Variants in SND1 observed in about 807,000 individuals in gnomAD.
The protein encoded by SND1 is staphylococcal nuclease and tudor domain containing 1.
A neutral mutation model predicts 121.7 loss-of-function variants in SND1; 38 were observed. That is an observed-to-expected ratio of 0.31 (90% CI 0.24 to 0.41). SND1 has a LOEUF of 0.41. SND1 is among the 10% of genes least tolerant of loss of function. The probability of loss-of-function intolerance (pLI) is 1.00; values close to 1 mark genes in which losing one functional copy is unlikely to be tolerated. For synonymous variants in SND1, 401 were observed against 447.4 expected, an observed-to-expected ratio of 0.90 and a Z score of 1.31; for missense variants, 868 against 1,184.6, an observed-to-expected ratio of 0.73 and a Z score of 3.92.
intron 9 of SND1, among the ~76,000 whole-genome samples, chr7:127,713,938 C>G (rs190216008): frequency 2.6e-5 from 4 of 152,288 alleles, no homozygotes; most frequent in Admixed American, 2.6e-4. Flanking sequence ...CCTGCCAGTT[C>G]CCTCCCTGCC....
chr7:127,738,824 C>A (rs746954676), intron 10 of SND1, among the ~76,000 whole-genome samples: 5 of 152,006 alleles, frequency 3.3e-5, no homozygotes, highest in Non-Finnish European at 5.9e-5. Context: ...AGGGGGTCAC[C>A]CTGTATGACC....
chr7:127,670,393 C>T (rs1587582627), intron 1 of SND1, among the ~76,000 whole-genome samples: 2 of 152,166 alleles, frequency 1.3e-5, no homozygotes, highest in African/African-American at 4.8e-5. Flanking sequence ...GCTGGGATTA[C>T]AGATGTGAGC....
intron 14 of SND1, among the ~76,000 whole-genome samples, chr7:127,920,359 A>G (rs770622604): frequency 3.3e-5 from 5 of 152,220 alleles, no homozygotes; most frequent in Non-Finnish European, 7.3e-5. Context: ...AAGAATTGCC[A>G]GAGTCTTGGT....
At chr7:127,896,482 G>T (rs1800122333) in intron 13 of SND1, among the ~76,000 whole-genome samples, 1 of 152,090 alleles carries the variant, frequency 6.6e-6, no homozygotes, top group African/African-American at 2.4e-5. Context: ...TGAATTCTCA[G>T]CACCCTGCCC....
intron 10 of SND1, among the ~76,000 whole-genome samples, chr7:127,728,283 G>A (rs576975585): frequency 1.3e-4 from 19 of 151,138 alleles, no homozygotes; most frequent in African/African-American, 4.6e-4. Context: ...CCCTGAACTG[G>A]GTGCATTTAC....
chr7:127,808,428 G>A (rs1798278913), intron 11 of SND1, among the ~76,000 whole-genome samples: 1 of 152,152 alleles, frequency 6.6e-6, no homozygotes, highest in African/African-American at 2.4e-5. Context: ...GCCTCCCAAA[G>A]TGCTGGGATT....
At chr7:127,795,296 CTATGATCTTTCACTA>C (rs1011868529) in intron 10 of SND1, among the ~76,000 whole-genome samples, 72 of 152,320 alleles carry the variant, frequency 4.7e-4, no homozygotes, top group African/African-American at 1.7e-3. Flanking sequence ...AGGAAGAGCT[CTATGATCTTTCACTA>C]CCCTTTCCTT....
Position 127,891,420 on chromosome 7 carries a change from T to C in SND1, c.1454+3408T>C, listed in dbSNP as rs117095003. ...TTTAGTTTGAAGCACCTCGTTCTCC[T>C]ATGAACATTCCCCATGTTCCCTTAG... On this transcript the variant is annotated intron_variant, in intron 13 of 23. Coordinates refer to ENST00000354725, the MANE Select transcript of SND1 (RefSeq NM_014390.4). Among the ~76,000 whole-genome samples, 469 of 152,266 alleles carry C rather than the reference T, an allele frequency of 3.1e-3. 2 individuals are homozygous for C. Among genetic ancestry groups the C allele is most frequent in the Non-Finnish European group, 4.8e-3 (325 of 67,984 alleles).
At chr7:128,033,038 G>T (rs929607197) in intron 16 of SND1, among the ~76,000 whole-genome samples, 1 of 152,136 alleles carries the variant, frequency 6.6e-6, no homozygotes, top group African/African-American at 2.4e-5. Context: ...GGCCGGAGTC[G>T]CCCCTTGCTC....
intron 2 of SND1, among the ~76,000 whole-genome samples, chr7:127,689,932 A>C (rs1198288147): frequency 2.7e-4 from 21 of 78,380 alleles, no homozygotes; most frequent in East Asian, 4.7e-4. Flanking sequence ...TGACTCCCCC[A>C]CCCCCCACCC....
chr7:127,732,629 G>A (rs927178981), intron 10 of SND1, among the ~76,000 whole-genome samples: 11 of 152,202 alleles, frequency 7.2e-5, no homozygotes, highest in African/African-American at 2.7e-4. Context: ...GGACAACAAC[G>A]AAACTGTATT....
intron 12 of SND1, among the ~76,000 whole-genome samples, chr7:127,856,646 C>T (rs1019674096): frequency 1.3e-5 from 2 of 152,144 alleles, no homozygotes; most frequent in Non-Finnish European, 2.9e-5. Context: ...AGTCTTCTGA[C>T]TTTCTAATAT....
intron 10 of SND1, among the ~76,000 whole-genome samples, chr7:127,790,956 G>C (rs1042751085): frequency 6.6e-6 from 1 of 152,186 alleles, no homozygotes; most frequent in African/African-American, 2.4e-5. Context: ...GTTGTCAGGA[G>C]CAGAACTGGG....
At chr7:127,728,529 C>T (rs1334554414) in intron 10 of SND1, among the ~76,000 whole-genome samples, 3 of 152,158 alleles carry the variant, frequency 2.0e-5, no homozygotes, top group East Asian at 1.9e-4. Flanking sequence ...TGACCTAGTT[C>T]TTGAAGGCCC....
chr7:127,749,042 C>T (rs942275006), intron 10 of SND1, among the ~76,000 whole-genome samples: 50 of 114,606 alleles, frequency 4.4e-4, no homozygotes, highest in Admixed American at 1.3e-3. Context: ...TTTTTTCTTT[C>T]GTTTTTTTTT....
intron 15 of SND1, among the ~76,000 whole-genome samples, chr7:127,955,515 TG>T (rs1801571932): frequency 6.6e-6 from 1 of 152,018 alleles, no homozygotes; most frequent in Admixed American, 6.6e-5. Context: ...GGGGGGGTGG[TG>T]GCACGTGGTT....
chr7:128,089,065 A>T lies in SND1; in HGVS notation c.2419-424A>T, dbSNP rs541432720. Among the ~76,000 whole-genome samples, 6 of 151,268 alleles carry T rather than the reference A, an allele frequency of 4.0e-5. No individual in the cohort carries two copies. The East Asian group carries it at 1.2e-3, about 30-fold the overall frequency. ...GTTTGTGTTTTTTTGTTTTTTTGGT[A>T]TTTTTTTGAGGCCAAGTCTCACTCT... is the stretch of plus-strand genomic sequence containing the variant. On this transcript the variant is annotated intron_variant, in intron 21 of 23. Coordinates refer to ENST00000354725, the MANE Select transcript of SND1 (RefSeq NM_014390.4).
chr7:127,924,753 A>C (rs1449327114), intron 14 of SND1, among the ~76,000 whole-genome samples: 1 of 152,160 alleles, frequency 6.6e-6, no homozygotes, highest in East Asian at 1.9e-4. Flanking sequence ...GGAATTCATC[A>C]TACTAAATTA....
intron 4 of SND1, among the ~76,000 whole-genome samples, chr7:127,699,724 C>T (rs538054670): frequency 6.6e-6 from 1 of 152,276 alleles, no homozygotes; most frequent in Non-Finnish European, 1.5e-5. Flanking sequence ...ACATTTTAGT[C>T]TCTGAAAAGT....
Sources: gnomAD v4.1 joint callset for allele counts (sites outside exome capture counted in the v4.1 genomes callset) on GRCh38, gnomAD v4.1.1 for gene constraint, MANE v1.5 for transcripts, NCBI Gene and HGNC (gene_info 2026-07-23, HGNC 2026-07-21) for gene names.